Variants in FOXP1 observed in about 807,000 individuals in gnomAD.
FOXP1 encodes forkhead box P1, also known as forkhead box protein P1.
FOXP1 carries 15 observed loss-of-function variants against 98.2 expected under a neutral mutation model. The ratio of observed to expected loss-of-function variants is 0.15; its 90% CI spans 0.10 to 0.24. FOXP1 has a LOEUF of 0.24. FOXP1 is among the 10% of genes least tolerant of loss of function. FOXP1 has a pLI of 1.00. For missense variants in FOXP1, 633 were observed against 848.5 expected (o/e 0.75, Z 3.15); for synonymous variants, 371 against 314.5 (o/e 1.18, Z -1.90).
At chr3:70,961,111 C>T (rs1305464787) in intron 20 of FOXP1, among the ~76,000 whole-genome samples, 10 of 152,124 alleles carry the variant, frequency 6.6e-5, no homozygotes, top group Admixed American at 2.0e-4. Context: ...GGATTACAGG[C>T]GTGAGCCACT....
Position 71,404,109 on chromosome 3 carries a change from CTTTTCT to C in FOXP1, c.-167-44871_-167-44866del, listed in dbSNP as rs1395344941. 1.2e-3 allele frequency among the ~76,000 whole-genome samples: 85 copies of C among 70,916 alleles called. 3 individuals are homozygous for C. The highest frequency in any genetic ancestry group is 7.5e-3 in the Middle Eastern group (1 of 134). 46.5% of individuals were successfully genotyped at this position (70,916 alleles called of 152,430 possible). A position where few individuals can be genotyped will look rare whatever the true frequency, so the allele number is the denominator to read the frequency against. On this transcript the variant is annotated intron_variant, in intron 3 of 20. Coordinates refer to ENST00000649528, the MANE Select transcript of FOXP1 (RefSeq NM_001349338.3). ...GATCCCCATGTATTGGGGTTTTTTTCTTTTCTTTTTCTTTTTTTTTTTTTTTTTTTT... is the reference window on the plus strand; with the variant it reads ...GATCCCCATGTATTGGGGTTTTTTTCTTTTCTTTTTTTTTTTTTTTTTTTT...
chr3:71,155,612 A>G (rs2060782994), intron 6 of FOXP1, among the ~76,000 whole-genome samples: 1 of 152,242 alleles, frequency 6.6e-6, no homozygotes, highest in South Asian at 2.1e-4. Flanking sequence ...CAGCACTGAA[A>G]GAAATCATTA....
intron 7 of FOXP1, among the ~76,000 whole-genome samples, chr3:71,080,540 C>T (rs141097925): frequency 3.1e-3 from 467 of 152,344 alleles, no homozygotes; most frequent in African/African-American, 0.01. Context: ...CATTATTACA[C>T]GATAACAACA....
At chr3:71,260,157 G>A (rs1325563188) in intron 5 of FOXP1, among the ~76,000 whole-genome samples, 4 of 152,048 alleles carry the variant, frequency 2.6e-5, no homozygotes, top group African/African-American at 7.2e-5. Context: ...TAATTTTTTT[G>A]TATTTTTAGT....
At chr3:71,446,626 G>A (rs2086471423) in intron 3 of FOXP1, among the ~76,000 whole-genome samples, 1 of 152,164 alleles carries the variant, frequency 6.6e-6, no homozygotes, top group Non-Finnish European at 1.5e-5. Context: ...ATGTCTCAGA[G>A]GTTCCTATGA....
intron 2 of FOXP1, among the ~76,000 whole-genome samples, chr3:71,548,689 G>A (rs372339027): frequency 7.9e-5 from 12 of 152,118 alleles, no homozygotes; most frequent in East Asian, 3.9e-4. Context: ...GTGAGTCACC[G>A]CACACAACCC....
At chr3:71,277,903 C>T (rs934831560) in intron 5 of FOXP1, among the ~76,000 whole-genome samples, 1 of 151,922 alleles carries the variant, frequency 6.6e-6, no homozygotes, top group Non-Finnish European at 1.5e-5. Flanking sequence ...CTCTGAGGGC[C>T]CAGTTTTGTC....
chr3:71,172,675 C>A (rs1476504519), intron 6 of FOXP1, among the ~76,000 whole-genome samples: 1 of 152,182 alleles, frequency 6.6e-6, no homozygotes, highest in East Asian at 1.9e-4. Flanking sequence ...TTGCATCCCA[C>A]CTTGTTGATT....
intron 6 of FOXP1, among the ~76,000 whole-genome samples, chr3:71,189,233 C>T (rs2062827538): frequency 8.3e-6 from 1 of 121,056 alleles, no homozygotes; most frequent in Non-Finnish European, 1.7e-5. Context: ...TTATAAGAAG[C>T]TTGTGTCAAT....
chr3:71,375,177 T>C (rs1159590492), intron 3 of FOXP1, among the ~76,000 whole-genome samples: 1 of 152,098 alleles, frequency 6.6e-6, no homozygotes, highest in Admixed American at 6.5e-5. Context: ...GCATTCATAG[T>C]GGGTAGGGGG....
chr3:71,481,389 C>A (rs2090267654), intron 3 of FOXP1, among the ~76,000 whole-genome samples: 1 of 152,186 alleles, frequency 6.6e-6, no homozygotes, highest in Admixed American at 6.5e-5. Flanking sequence ...ATCCTGTATG[C>A]TTATTACCAC....
chr3:71,454,369 G>T (rs954313437), intron 3 of FOXP1, among the ~76,000 whole-genome samples: 4 of 152,144 alleles, frequency 2.6e-5, no homozygotes, highest in Non-Finnish European at 5.9e-5. Context: ...AATGTTCACA[G>T]ACGTGGTTAC....
chr3:71,492,725 T>C (rs2091150005), intron 3 of FOXP1, among the ~76,000 whole-genome samples: 1 of 152,326 alleles, frequency 6.6e-6, no homozygotes, highest in South Asian at 2.1e-4. Flanking sequence ...GTCAGAGTTG[T>C]CACCCAAAAT....
chr3:71,507,518 G>A (rs1314740453), intron 2 of FOXP1, among the ~76,000 whole-genome samples: 1 of 151,398 alleles, frequency 6.6e-6, no homozygotes, highest in African/African-American at 2.4e-5. Flanking sequence ...GGCATAGAAG[G>A]AAACGTGAGC....
intron 2 of FOXP1, among the ~76,000 whole-genome samples, chr3:71,506,959 A>G (rs1342093400): frequency 2.0e-5 from 3 of 152,190 alleles, no homozygotes; most frequent in Non-Finnish European, 4.4e-5. Flanking sequence ...ATTGGAGAGC[A>G]CTGTGCTCAA....
At chr3:71,376,512 G>A (rs2079724390) in intron 3 of FOXP1, among the ~76,000 whole-genome samples, 1 of 152,188 alleles carries the variant, frequency 6.6e-6, no homozygotes, top group South Asian at 2.1e-4. Context: ...CCGAAGATGA[G>A]AACAAAGATC....
chr3:71,317,523 CA>C (rs1168218104), intron 4 of FOXP1, among the ~76,000 whole-genome samples: 3 of 152,000 alleles, frequency 2.0e-5, no homozygotes, highest in Non-Finnish European at 4.4e-5. Flanking sequence ...TTAATAGCAA[CA>C]AAAAATATTT....
chr3:71,069,919 G>C (rs1240087958), intron 7 of FOXP1, among the ~76,000 whole-genome samples: 2 of 152,152 alleles, frequency 1.3e-5, no homozygotes, highest in African/African-American at 2.4e-5. Flanking sequence ...CCTGCAAAGA[G>C]GCAAAGGGAG....
intron 6 of FOXP1, among the ~76,000 whole-genome samples, chr3:71,188,520 T>C (rs534868508): frequency 6.6e-6 from 1 of 152,172 alleles, no homozygotes; most frequent in African/African-American, 2.4e-5. Flanking sequence ...GTTCAAGTGA[T>C]TCTCCTGCCT....
Sources: allele counts gnomAD v4.1 joint callset (sites outside exome capture counted in the v4.1 genomes callset), GRCh38; gene constraint gnomAD v4.1.1; transcripts MANE v1.5; gene names NCBI Gene and HGNC (gene_info 2026-07-23, HGNC 2026-07-21).